SNTG1: variants seen among roughly 807,000 people sequenced by gnomAD.
SNTG1 encodes the protein gamma-1-syntrophin.
SNTG1 carries 39 observed loss-of-function variants against 74.7 expected under a neutral mutation model. That is an observed-to-expected ratio of 0.52 (90% CI 0.40 to 0.68). The LOEUF is 0.68. Ranked by LOEUF, SNTG1 falls within the 30% of genes least tolerant of loss-of-function variation. The pLI, the probability that SNTG1 is intolerant of heterozygous loss-of-function variation, is 0.00. For missense variants in SNTG1, 685 were observed against 609.5 expected (o/e 1.12, Z -1.30); for synonymous variants, 254 against 217.1 (o/e 1.17, Z -1.49).
At chr8:50,404,970 G>A (rs2131366593) in intron 4 of SNTG1, among the ~76,000 whole-genome samples, 1 of 152,136 alleles carries the variant, frequency 6.6e-6, no homozygotes, top group Non-Finnish European at 1.5e-5. Context: ...CCATGTTGAA[G>A]CATATATCAG....
At chr8:50,080,615 GTTATT>G (rs1459765809) in intron 1 of SNTG1, among the ~76,000 whole-genome samples, 5 of 151,986 alleles carry the variant, frequency 3.3e-5, no homozygotes, top group Non-Finnish European at 5.9e-5. Context: ...ATTATTTTGA[GTTATT>G]TTATTAGTGT....
intron 9 of SNTG1, 146 bp downstream of exon 9, chr8:50,503,026 C>CCTG: frequency 1.6e-6 from 1 of 612,012 alleles, no homozygotes; most frequent in Non-Finnish European, 2.8e-6. Flanking sequence ...TTCTACTAAC[C>CCTG]TTTATGAAAA....
chr8:50,014,305 C>G (rs1156647343), intron 1 of SNTG1, among the ~76,000 whole-genome samples: 1 of 152,126 alleles, frequency 6.6e-6, no homozygotes, highest in Non-Finnish European at 1.5e-5. Flanking sequence ...CACAGCTCAA[C>G]TCAGGCAGGA....
In SNTG1 at chr8:50,045,448, C is replaced by G. The variant is rs1819001468; in HGVS notation, c.-102-127113C>G. On this transcript the variant is annotated intron_variant, in intron 1 of 18. Transcript: ENST00000642720. Reference sequence around the variant, plus strand: ...GAAGACTTAGACATTATTGTGAGGACAGCTAAGCCATTAATGACAATTTCA... The same window carrying G: ...GAAGACTTAGACATTATTGTGAGGAGAGCTAAGCCATTAATGACAATTTCA... Among the ~76,000 whole-genome samples the G allele has an allele frequency of 2.0e-5, 3 of 152,120 alleles. No homozygotes were observed. The South Asian group carries it at 6.2e-4, about 32-fold the overall frequency.
chr8:50,182,235 C>T (rs1235074430), intron 2 of SNTG1, among the ~76,000 whole-genome samples: 7 of 152,084 alleles, frequency 4.6e-5, no homozygotes, highest in African/African-American at 1.4e-4. Context: ...CAAGTTTATG[C>T]CTTTTTAAAA....
intron 18 of SNTG1, chr8:50,762,377 T>C: frequency 5.4e-6 from 1 of 184,924 alleles, no homozygotes; most frequent in South Asian, 1.0e-4. Context: ...AACAAAATAT[T>C]CTGTCAGTCA....
chr8:50,205,116 C>T (rs1346070647), intron 2 of SNTG1, among the ~76,000 whole-genome samples: 2 of 152,156 alleles, frequency 1.3e-5, no homozygotes, highest in African/African-American at 4.8e-5. Context: ...AATGGTATTT[C>T]TAGTTCTAGA....
intron 13 of SNTG1, among the ~76,000 whole-genome samples, chr8:50,623,957 C>T (rs979998948): frequency 1.3e-5 from 2 of 151,788 alleles, no homozygotes; most frequent in Non-Finnish European, 2.9e-5. Context: ...ATATGATTTT[C>T]AGTGGTTATG....
chr8:50,126,903 G>A (rs1429447164), intron 1 of SNTG1, among the ~76,000 whole-genome samples: 1 of 152,152 alleles, frequency 6.6e-6, no homozygotes, highest in Non-Finnish European at 1.5e-5. Context: ...CCACAAAGTG[G>A]AGAGGTACGA....
At chr8:50,407,292 T>C (rs551132343) in intron 4 of SNTG1, among the ~76,000 whole-genome samples, 29 of 152,258 alleles carry the variant, frequency 1.9e-4, no homozygotes, top group African/African-American at 7.0e-4. Flanking sequence ...AGGAGAATGT[T>C]CTAAGGAAAG....
intron 2 of SNTG1, among the ~76,000 whole-genome samples, chr8:50,342,579 T>C (rs1485910380): frequency 3.3e-5 from 5 of 152,150 alleles, no homozygotes; most frequent in East Asian, 3.9e-4. Flanking sequence ...ACACATCTAT[T>C]GTGTTAACCT....
intron 1 of SNTG1, among the ~76,000 whole-genome samples, chr8:49,935,989 C>T (rs560194940): frequency 3.3e-5 from 5 of 152,056 alleles, no homozygotes; most frequent in Admixed American, 1.3e-4. Context: ...TTTAAAGGGA[C>T]GAATTGATTA....
At chr8:50,333,010 A>T (rs1477261789) in intron 2 of SNTG1, among the ~76,000 whole-genome samples, 2 of 152,236 alleles carry the variant, frequency 1.3e-5, no homozygotes, top group East Asian at 3.8e-4. Flanking sequence ...AATATATTAT[A>T]TTTGAAGCTA....
intron 1 of SNTG1, among the ~76,000 whole-genome samples, chr8:50,167,365 A>G (rs1215095770): frequency 6.6e-6 from 1 of 151,226 alleles, no homozygotes; most frequent in Non-Finnish European, 1.5e-5. Flanking sequence ...TAGGAAAGCA[A>G]AAGAGTCTGT....
At chr8:50,660,523 G>A (rs572439915) in intron 15 of SNTG1, among the ~76,000 whole-genome samples, 5 of 129,460 alleles carry the variant, frequency 3.9e-5, no homozygotes, top group Non-Finnish European at 7.8e-5. Context: ...GAGGGAGGGA[G>A]GGAGAAGGAA....
At chr8:50,156,012 CAAATG>C (rs959828994) in intron 1 of SNTG1, among the ~76,000 whole-genome samples, 1 of 151,646 alleles carries the variant, frequency 6.6e-6, no homozygotes, top group Non-Finnish European at 1.5e-5. Context: ...AAAAAAAGGG[CAAATG>C]AAATGAAATG....
chr8:50,039,533 A>C (rs1193903772), intron 1 of SNTG1, among the ~76,000 whole-genome samples: 2 of 150,488 alleles, frequency 1.3e-5, no homozygotes, highest in African/African-American at 4.9e-5. Flanking sequence ...GTATCAGCAC[A>C]GGCGAGGCCT....
intron 1 of SNTG1, among the ~76,000 whole-genome samples, chr8:49,978,587 ATTG>A (rs903427580): frequency 3.9e-5 from 6 of 152,168 alleles, no homozygotes; most frequent in African/African-American, 9.7e-5. Context: ...TACAATTAAA[ATTG>A]TTGTCTTTAT....
chr8:50,108,761 A>G (rs1026392157), intron 1 of SNTG1, among the ~76,000 whole-genome samples: 18 of 152,166 alleles, frequency 1.2e-4, no homozygotes, highest in Non-Finnish European at 2.5e-4. Context: ...GATTTTAGTC[A>G]TACAGTGGCC....
Sources: gnomAD v4.1 joint callset for allele counts (sites outside exome capture counted in the v4.1 genomes callset) on GRCh38, gnomAD v4.1.1 for gene constraint, MANE v1.5 for transcripts, NCBI Gene and HGNC (gene_info 2026-07-23, HGNC 2026-07-21) for gene names.